LSAMP: variants seen among roughly 807,000 people sequenced by gnomAD.
LSAMP encodes the protein limbic system-associated membrane protein.
Under a neutral mutation model 38.6 loss-of-function variants are expected in LSAMP, and 7 were observed. The observed-to-expected ratio is 0.18, with a 90% CI of 0.10 to 0.34. LSAMP has a LOEUF of 0.34. LSAMP is among the 10% of genes least tolerant of loss of function. The pLI, the probability that LSAMP is intolerant of heterozygous loss-of-function variation, is 1.00. For missense variants in LSAMP, 313 were observed against 420.0 expected (o/e 0.75, Z 2.23); for synonymous variants, 154 against 166.8 (o/e 0.92, Z 0.59).
intron 3 of LSAMP, among the ~76,000 whole-genome samples, chr3:115,938,438 T>C (rs1937785070): frequency 6.6e-6 from 1 of 152,202 alleles, no homozygotes; most frequent in Admixed American, 6.5e-5. Context: ...CCTTCTTTAA[T>C]GAGTATCACC....
At chr3:115,821,144 C>T (rs1324833955) in intron 6 of LSAMP, among the ~76,000 whole-genome samples, 1 of 152,162 alleles carries the variant, frequency 6.6e-6, no homozygotes, top group African/African-American at 2.4e-5. Flanking sequence ...CTCCCCCTCC[C>T]TCCATCCACA....
chr3:116,334,368 A>T (rs1287532209), intron 1 of LSAMP, among the ~76,000 whole-genome samples: 3 of 152,136 alleles, frequency 2.0e-5, no homozygotes, highest in African/African-American at 7.2e-5. Flanking sequence ...ATCAAAGAGG[A>T]CAGAACACCC....
intron 3 of LSAMP, among the ~76,000 whole-genome samples, chr3:115,882,275 C>T (rs1214010348): frequency 6.6e-6 from 1 of 152,070 alleles, no homozygotes; most frequent in African/African-American, 2.4e-5. Flanking sequence ...AAGACAACTA[C>T]CCACCTTGTA....
At chr3:116,325,037 A>G (rs570703327) in intron 1 of LSAMP, among the ~76,000 whole-genome samples, 1 of 151,780 alleles carries the variant, frequency 6.6e-6, no homozygotes, top group East Asian at 1.9e-4. Context: ...CTTCTTGGCC[A>G]TATCTAGAAG....
chr3:115,933,836 T>C lies in LSAMP; in HGVS notation c.515-81219A>G, dbSNP rs143120743. Among the ~76,000 whole-genome samples the C allele has an allele frequency of 3.1e-3, 476 of 152,264 alleles. 3 individuals carry two copies. The highest frequency in any genetic ancestry group is 0.011 in the African/African-American group (441 of 41,546). ...AGTGCCCTCCGCGAGAATGTGCCTG[T>C]TGGTGTTGTCAGTCTTCTGGGAAGG... On this transcript the variant is annotated intron_variant, in intron 3 of 6. Coordinates refer to ENST00000490035, the MANE Select transcript of LSAMP (RefSeq NM_002338.5).
intron 1 of LSAMP, among the ~76,000 whole-genome samples, chr3:116,205,664 G>A (rs2107599086): frequency 2.5e-5 from 1 of 39,480 alleles, no homozygotes; most frequent in Non-Finnish European, 5.1e-5. Context: ...AGATAATCAT[G>A]TGGTTTTTGT....
At chr3:116,295,716 G>C (rs1366011408) in intron 1 of LSAMP, among the ~76,000 whole-genome samples, 1 of 152,116 alleles carries the variant, frequency 6.6e-6, no homozygotes, top group East Asian at 1.9e-4. Context: ...AATTGAATTA[G>C]AATTTAGAAG....
intron 1 of LSAMP, 132 bp downstream of exon 1, chr3:116,444,745 C>A (rs988013676): frequency 5.9e-6 from 7 of 1,180,564 alleles, no homozygotes; most frequent in Non-Finnish European, 8.5e-6. Flanking sequence ...CACACACACA[C>A]CACAAGCCTG....
At chr3:115,836,301 C>T (rs928222476) in intron 6 of LSAMP, among the ~76,000 whole-genome samples, 1 of 152,178 alleles carries the variant, frequency 6.6e-6, no homozygotes, top group Non-Finnish European at 1.5e-5. Flanking sequence ...TCCTTAGATG[C>T]TTCTCCATCC....
At chr3:115,931,195 TG>T (rs1269244494) in intron 3 of LSAMP, among the ~76,000 whole-genome samples, 2 of 152,136 alleles carry the variant, frequency 1.3e-5, no homozygotes, top group Non-Finnish European at 2.9e-5. Context: ...AGGAGAGAAC[TG>T]ACGCCAACAC....
chr3:116,152,973 TA>T (rs1379848480), intron 1 of LSAMP, among the ~76,000 whole-genome samples: 1 of 152,032 alleles, frequency 6.6e-6, no homozygotes, highest in Admixed American at 6.6e-5. Flanking sequence ...TACAAATATA[TA>T]AAAAATACTC....
intron 2 of LSAMP, among the ~76,000 whole-genome samples, chr3:116,043,968 T>TA (rs1267149369): frequency 6.6e-6 from 1 of 152,090 alleles, no homozygotes; most frequent in African/African-American, 2.4e-5. Flanking sequence ...AAATAAAAAT[T>TA]AAAGAAAAAT....
chr3:116,108,395 G>A (rs1708517791), intron 1 of LSAMP, among the ~76,000 whole-genome samples: 2 of 152,090 alleles, frequency 1.3e-5, no homozygotes, highest in Admixed American at 6.5e-5. Context: ...TAGAAGCCTG[G>A]CCGTCAATAC....
At chr3:115,867,086 A>G (rs889946248) in intron 3 of LSAMP, among the ~76,000 whole-genome samples, 2 of 151,992 alleles carry the variant, frequency 1.3e-5, no homozygotes, top group Non-Finnish European at 2.9e-5. Flanking sequence ...TGGGGTAGCT[A>G]GGAATTGAGT....
chr3:116,407,214 C>G (rs1292191581), intron 1 of LSAMP, among the ~76,000 whole-genome samples: 1 of 152,006 alleles, frequency 6.6e-6, no homozygotes, highest in Non-Finnish European at 1.5e-5. Context: ...TGTCTATACC[C>G]TATAATATAT....
At chr3:115,878,711 C>G (rs1255983698) in intron 3 of LSAMP, among the ~76,000 whole-genome samples, 1 of 151,956 alleles carries the variant, frequency 6.6e-6, no homozygotes, top group East Asian at 1.9e-4. Flanking sequence ...ATCCACCTGC[C>G]TCAGCCTCCC....
chr3:116,415,605 G>A (rs1456222272), intron 1 of LSAMP, among the ~76,000 whole-genome samples: 5 of 152,104 alleles, frequency 3.3e-5, no homozygotes, highest in Non-Finnish European at 7.4e-5. Flanking sequence ...TCATCTTGGA[G>A]AGAGCTTGGC....
intron 3 of LSAMP, among the ~76,000 whole-genome samples, chr3:115,906,940 T>A (rs1356055539): frequency 6.6e-6 from 1 of 152,182 alleles, no homozygotes; most frequent in Non-Finnish European, 1.5e-5. Flanking sequence ...AGGTTCTACA[T>A]AGATTAAATC....
intron 6 of LSAMP, among the ~76,000 whole-genome samples, chr3:115,827,283 A>G (rs889009321): frequency 2.6e-5 from 4 of 151,724 alleles, no homozygotes; most frequent in Non-Finnish European, 4.4e-5. Flanking sequence ...GCTAAGGAGC[A>G]TGGGATGGTA....
Sources: gnomAD v4.1 joint callset for allele counts (sites outside exome capture counted in the v4.1 genomes callset) on GRCh38, gnomAD v4.1.1 for gene constraint, MANE v1.5 for transcripts, NCBI Gene and HGNC (gene_info 2026-07-23, HGNC 2026-07-21) for gene names.